ACACA: variants seen among roughly 807,000 people sequenced by gnomAD.
The protein encoded by ACACA is acetyl-CoA carboxylase 1.
In ACACA, 103 loss-of-function variants were observed where a neutral mutation model predicts 296.1. The ratio of observed to expected loss-of-function variants is 0.35; its 90% CI spans 0.30 to 0.41. ACACA has a LOEUF of 0.41. Ranked by LOEUF, ACACA falls within the 10% of genes least tolerant of loss-of-function variation. ACACA has a pLI of 1.00. For synonymous variants in ACACA, 953 were observed against 1,038.6 expected (o/e 0.92, Z 1.58); for missense variants, 1,554 against 2,989.7 (o/e 0.52, Z 11.20).
At chr17:37,382,825 A>G (rs1568084011) in intron 1 of ACACA, among the ~76,000 whole-genome samples, 1 of 152,140 alleles carries the variant, frequency 6.6e-6, no homozygotes, top group African/African-American at 2.4e-5. Flanking sequence ...ACGCCACTGC[A>G]CTCCAGCCTG....
At chr17:37,155,901 T>C (rs1214370606) in intron 42 of ACACA, 121 bp from the exon 43 acceptor site, 2 of 725,310 alleles carry the variant, frequency 2.8e-6, no homozygotes, top group African/African-American at 3.4e-5. Flanking sequence ...CATCACTTCT[T>C]AGGTTTACTG....
chr17:37,266,882 T>G (rs2081805540), intron 10 of ACACA, among the ~76,000 whole-genome samples: 1 of 152,186 alleles, frequency 6.6e-6, no homozygotes, highest in African/African-American at 2.4e-5. Flanking sequence ...TGTTCCATTA[T>G]TACAGAACAT....
intron 33 of ACACA, among the ~76,000 whole-genome samples, chr17:37,201,097 T>G (rs1181389419): frequency 6.6e-6 from 1 of 152,178 alleles, no homozygotes; most frequent in Non-Finnish European, 1.5e-5. Flanking sequence ...GCCTTTAAAT[T>G]TAGGAACTAT....
chr17:37,260,280 ATATATATATATATATATTT>A lies in ACACA; in HGVS notation c.1330-769_1330-751del, dbSNP rs1193262782. ...TATATATATATATATATATATATAT[ATATATATATATATATATTT>A]TTTTTTTTTTTTTTTTTGGAGATGG... On this transcript the variant is annotated intron_variant, in intron 11 of 55. Coordinates refer to ENST00000616317, the MANE Select transcript of ACACA (RefSeq NM_198834.3). Among the ~76,000 whole-genome samples the A allele has an allele frequency of 8.3e-4, 27 of 32,412 alleles. 1 individual carries two copies. In the South Asian group the frequency reaches 0.012, roughly 15 times the overall value. 21.3% of individuals were successfully genotyped at this position (32,412 alleles called of 152,430 possible).
chr17:37,192,182 G>C lies in ACACA; in HGVS notation c.4324C>G (p.Leu1442Val), dbSNP rs146088438. 4.0e-4 allele frequency: 643 copies of C among 1,614,016 alleles called. 6 individuals carry two copies. The highest frequency in any genetic ancestry group is 3.3e-3 in the South Asian group (296 of 91,060). The change falls in exon 37 of 56, where the codon CTC becomes GTC. Residue 1442 changes from leucine to valine, a missense_variant. Around this residue, in one of 16 missense-constraint regions of ACACA, gnomAD observed 179 missense variants for 283.2 expected, o/e 0.63. Coordinates refer to ENST00000616317, the MANE Select transcript of ACACA (RefSeq NM_198834.3). ...PCANHKMHLY[L>V]GAAKVEVGTE... ...CCCACTTCCACCTTGGCTGCCCCGA[G>C]ATACAGGTGCATCTTGTGATTAGCA... is the stretch of plus-strand genomic sequence containing the variant.
At chr17:37,130,272 G>A in intron 45 of ACACA, 54 bp from the exon 46 acceptor site, 1 of 1,605,740 alleles carries the variant, frequency 6.2e-7, no homozygotes. Flanking sequence ...TAAAGGCATG[G>A]TCGATTTCAC....
intron 45 of ACACA, chr17:37,143,822 T>C: frequency 2.2e-6 from 3 of 1,350,558 alleles, no homozygotes; most frequent in East Asian, 2.3e-5. Context: ...TATGCAGCAG[T>C]ATCCTTTTCG....
chr17:37,373,270 T>G (rs1187612397), intron 1 of ACACA, among the ~76,000 whole-genome samples: 1 of 151,976 alleles, frequency 6.6e-6, no homozygotes, highest in African/African-American at 2.4e-5. Context: ...TTTTTTTAAA[T>G]GGAGTCTTGC....
chr17:37,233,797 G>A (rs1286753679), intron 25 of ACACA, among the ~76,000 whole-genome samples: 1 of 152,158 alleles, frequency 6.6e-6, no homozygotes, highest in African/African-American at 2.4e-5. Flanking sequence ...TCACTTGGGG[G>A]AAGTTGAAGT....
At chr17:37,300,465 C>A (rs1281320187) in intron 3 of ACACA, among the ~76,000 whole-genome samples, 1 of 152,074 alleles carries the variant, frequency 6.6e-6, no homozygotes, top group Non-Finnish European at 1.5e-5. Flanking sequence ...GACTGTACAC[C>A]AAATCTAACC....
chr17:37,226,113 T>C (rs1466546515), intron 26 of ACACA, among the ~76,000 whole-genome samples: 2 of 152,228 alleles, frequency 1.3e-5, no homozygotes, highest in African/African-American at 4.8e-5. Context: ...TACCAGGATT[T>C]TTTAATGGGG....
intron 50 of ACACA, among the ~76,000 whole-genome samples, chr17:37,119,368 C>T (rs977990169): frequency 6.6e-6 from 1 of 152,080 alleles, no homozygotes; most frequent in Non-Finnish European, 1.5e-5. Context: ...TCCTAACACA[C>T]AGAACTCAAT....
At chr17:37,367,773 C>T (rs867332902) in intron 1 of ACACA, 1 of 152,250 alleles carries the variant, frequency 6.6e-6, no homozygotes, top group Middle Eastern at 3.4e-3. Context: ...TCAATTAATT[C>T]AGAAATTGTG....
chr17:37,298,979 T>C (rs1398142687), intron 3 of ACACA, among the ~76,000 whole-genome samples: 1 of 152,222 alleles, frequency 6.6e-6, no homozygotes, highest in Non-Finnish European at 1.5e-5. Flanking sequence ...ATCTGATACA[T>C]CTGAGGTTCC....
chr17:37,261,659 G>C (rs556892136), intron 11 of ACACA, among the ~76,000 whole-genome samples: 1 of 152,272 alleles, frequency 6.6e-6, no homozygotes, highest in East Asian at 1.9e-4. Context: ...GAAGGACAAT[G>C]AACAAGGGAT....
intron 1 of ACACA, among the ~76,000 whole-genome samples, chr17:37,351,237 G>C (rs1367321922): frequency 6.6e-6 from 1 of 152,084 alleles, no homozygotes; most frequent in East Asian, 1.9e-4. Flanking sequence ...CAAGACCGGA[G>C]GATCACCTGA....
chr17:37,114,931 C>A (rs1403475931), intron 50 of ACACA, among the ~76,000 whole-genome samples: 2 of 152,202 alleles, frequency 1.3e-5, no homozygotes, highest in Admixed American at 6.5e-5. Flanking sequence ...TAGTTACTGG[C>A]AAATTAAACT....
intron 25 of ACACA, among the ~76,000 whole-genome samples, chr17:37,229,748 T>TA: frequency 6.6e-6 from 1 of 152,110 alleles, no homozygotes; most frequent in East Asian, 1.9e-4. Context: ...ACAGTATGTG[T>TA]AAGAAAAGCG....
chr17:37,295,856 C>T (rs996951353), intron 3 of ACACA, among the ~76,000 whole-genome samples: 6 of 151,938 alleles, frequency 3.9e-5, no homozygotes, highest in Non-Finnish European at 7.4e-5. Flanking sequence ...ACCCGGGAGG[C>T]AAAGGTTTCA....
Sources: allele counts gnomAD v4.1 joint callset (sites outside exome capture counted in the v4.1 genomes callset), GRCh38; gene constraint gnomAD v4.1.1; regional missense constraint gnomAD v4.1.1; transcripts MANE v1.5; gene names NCBI Gene and HGNC (gene_info 2026-07-23, HGNC 2026-07-21).